Variants in GALNT17 observed in about 807,000 individuals in gnomAD.
GALNT17 encodes the protein polypeptide N-acetylgalactosaminyltransferase 17, also known as UDP-GalNAc:polypeptide N-acetylgalactosaminyltransferase-like 3.
GALNT17 carries 29 observed loss-of-function variants against 63.7 expected under a neutral mutation model. The observed-to-expected ratio is 0.46, with a 90% CI of 0.34 to 0.62. GALNT17 has a LOEUF of 0.62. Ranked by LOEUF, GALNT17 falls within the 20% of genes least tolerant of loss-of-function variation. The probability of loss-of-function intolerance (pLI) is 0.01; values close to 1 mark genes in which losing one functional copy is unlikely to be tolerated. For synonymous variants in GALNT17, 305 were observed against 318.3 expected, an observed-to-expected ratio of 0.96 and a Z score of 0.45; for missense variants, 603 against 799.6, an observed-to-expected ratio of 0.75 and a Z score of 2.97.
intron 5 of GALNT17, among the ~76,000 whole-genome samples, chr7:71,493,908 G>A (rs1010734135): frequency 6.6e-6 from 1 of 152,060 alleles, no homozygotes; most frequent in African/African-American, 2.4e-5. Context: ...CTGTTGATGG[G>A]ATTGATAGAT....
intron 1 of GALNT17, among the ~76,000 whole-genome samples, chr7:71,292,150 G>A (rs1312323311): frequency 2.6e-5 from 4 of 152,114 alleles, no homozygotes; most frequent in Admixed American, 6.5e-5. Flanking sequence ...GTGGGATTCC[G>A]GGAGAGAGTA....
Position 71,638,180 on chromosome 7 carries a change from T to C in GALNT17, c.1081-27231T>C, listed in dbSNP as rs140782269. Among the ~76,000 whole-genome samples, 649 of 152,318 alleles carry C rather than the reference T, an allele frequency of 4.3e-3. 6 individuals are homozygous for C. Among genetic ancestry groups the C allele is most frequent in the African/African-American group, 0.014 (594 of 41,580 alleles). ...TTTTAGCATGCTAATGCATTATAAT[T>C]AGCATATAGTGAGCCTTGAGGAAGA... On this transcript the variant is annotated intron_variant, in intron 6 of 10. Coordinates refer to ENST00000333538, the MANE Select transcript of GALNT17 (RefSeq NM_022479.3).
intron 6 of GALNT17, among the ~76,000 whole-genome samples, chr7:71,643,207 A>G (rs1248182341): frequency 6.6e-6 from 1 of 152,134 alleles, no homozygotes; most frequent in Non-Finnish European, 1.5e-5. Context: ...AGAGGCTCAC[A>G]CCTGTAATCC....
At chr7:71,517,864 T>C (rs993059059) in intron 5 of GALNT17, among the ~76,000 whole-genome samples, 2 of 152,182 alleles carry the variant, frequency 1.3e-5, no homozygotes, top group Non-Finnish European at 2.9e-5. Context: ...ATGAAAGTTA[T>C]GCAGAAAGTT....
chr7:71,523,186 G>T (rs1788558408), intron 5 of GALNT17, among the ~76,000 whole-genome samples: 1 of 152,168 alleles, frequency 6.6e-6, no homozygotes, highest in Non-Finnish European at 1.5e-5. Flanking sequence ...AACACTTTGG[G>T]AGGCCAAGGT....
intron 2 of GALNT17, among the ~76,000 whole-genome samples, chr7:71,363,295 T>A (rs1271717188): frequency 6.6e-6 from 1 of 152,186 alleles, no homozygotes; most frequent in Non-Finnish European, 1.5e-5. Context: ...TGTGTTAATG[T>A]ACTCAATAAG....
At chr7:71,289,072 T>A (rs1790929785) in intron 1 of GALNT17, among the ~76,000 whole-genome samples, 1 of 152,004 alleles carries the variant, frequency 6.6e-6, no homozygotes, top group Non-Finnish European at 1.5e-5. Flanking sequence ...GGGTTGCAGG[T>A]ACCAACTCTC....
chr7:71,621,545 T>TGATA, intron 6 of GALNT17, among the ~76,000 whole-genome samples: 1 of 87,372 alleles, frequency 1.1e-5, no homozygotes, highest in South Asian at 5.7e-4. Context: ...ATTGATGGAT[T>TGATA]GATGGATAGA....
At chr7:71,593,295 C>G (rs2116921036) in intron 6 of GALNT17, among the ~76,000 whole-genome samples, 1 of 115,244 alleles carries the variant, frequency 8.7e-6, no homozygotes, top group East Asian at 2.6e-4. Flanking sequence ...AGACAGGAGT[C>G]TCACTCTGTT....
intron 2 of GALNT17, among the ~76,000 whole-genome samples, chr7:71,343,685 T>C (rs1792043350): frequency 6.6e-6 from 1 of 152,214 alleles, no homozygotes; most frequent in Non-Finnish European, 1.5e-5. Flanking sequence ...TGCTTTTCTA[T>C]GACTCTTTTA....
In GALNT17 at chr7:71,415,863, C is replaced by T. The variant is rs1554367918; in HGVS notation, c.590-26C>T. The T allele has an allele frequency of 3.8e-6, 6 of 1,558,870 alleles. No homozygotes were observed. The South Asian group carries it at 6.1e-5, about 16-fold the overall frequency. On this transcript the variant is annotated intron_variant, in intron 3 of 10. Transcript: ENST00000333538. ...AAATTTGAAATGACATGTTTATAGACCTTCTTGCATTTTTGTCATTTGCAG... is the reference window on the plus strand; with the variant it reads ...AAATTTGAAATGACATGTTTATAGATCTTCTTGCATTTTTGTCATTTGCAG...
chr7:71,462,185 C>T (rs1306936603), intron 5 of GALNT17, among the ~76,000 whole-genome samples: 3 of 152,190 alleles, frequency 2.0e-5, no homozygotes, highest in African/African-American at 4.8e-5. Context: ...GCATGCTTCT[C>T]CCCTGTAGTG....
At chr7:71,317,036 C>A (rs182021157) in intron 1 of GALNT17, among the ~76,000 whole-genome samples, 2 of 152,200 alleles carry the variant, frequency 1.3e-5, no homozygotes, top group African/African-American at 4.8e-5. Flanking sequence ...AATATCCCAA[C>A]TGTTTGTCTT....
chr7:71,570,129 A>G (rs1346214959), intron 5 of GALNT17, among the ~76,000 whole-genome samples: 4 of 151,672 alleles, frequency 2.6e-5, no homozygotes, highest in Admixed American at 6.6e-5. Flanking sequence ...TCTTGTCTCT[A>G]ATTTTCAATA....
chr7:71,682,014 C>T (rs1316299398), intron 9 of GALNT17, among the ~76,000 whole-genome samples: 1 of 152,082 alleles, frequency 6.6e-6, no homozygotes, highest in East Asian at 1.9e-4. Flanking sequence ...GCAACCTCCG[C>T]CTCCTGGGTT....
In GALNT17 at chr7:71,315,011, T is replaced by C. The variant is rs373905251; in HGVS notation, c.239-20539T>C. On this transcript the variant is annotated intron_variant, in intron 1 of 10. Coordinates refer to ENST00000333538, the MANE Select transcript of GALNT17 (RefSeq NM_022479.3). ...TTTTTATCACTCTGAAAACAAACATTGTACCCATTGGCAGTCACTCCTCAA... is the reference window on the plus strand; with the variant it reads ...TTTTTATCACTCTGAAAACAAACATCGTACCCATTGGCAGTCACTCCTCAA... Among the ~76,000 whole-genome samples the C allele has an allele frequency of 1.1e-4, 17 of 152,320 alleles. No individual in the cohort carries two copies. The East Asian group carries it at 2.1e-3, about 19-fold the overall frequency.
chr7:71,419,075 G>A (rs75768664), intron 4 of GALNT17, among the ~76,000 whole-genome samples: 6,918 of 152,118 alleles, frequency 0.045, 562 homozygotes, highest in African/African-American at 0.16. Flanking sequence ...GTGAAACTCC[G>A]TCTCAAAAAG....
At chr7:71,570,534 T>C (rs1285614561) in intron 5 of GALNT17, among the ~76,000 whole-genome samples, 2 of 152,108 alleles carry the variant, frequency 1.3e-5, no homozygotes, top group African/African-American at 4.8e-5. Context: ...TCTTTGAGAC[T>C]GCACAAGGAC....
At chr7:71,544,682 T>G (rs1000887193) in intron 5 of GALNT17, among the ~76,000 whole-genome samples, 1 of 152,068 alleles carries the variant, frequency 6.6e-6, no homozygotes, top group Non-Finnish European at 1.5e-5. Flanking sequence ...TTTCTAGAAG[T>G]TTTTAGCATC....
Sources: gnomAD v4.1 joint callset for allele counts (sites outside exome capture counted in the v4.1 genomes callset) on GRCh38, gnomAD v4.1.1 for gene constraint, MANE v1.5 for transcripts, NCBI Gene and HGNC (gene_info 2026-07-23, HGNC 2026-07-21) for gene names.